The following CPD variants were observed in gnomAD, a reference collection of about 807,000 sequenced individuals.
The protein encoded by CPD is metallocarboxypeptidase D.
In CPD, 69 loss-of-function variants were observed where a neutral mutation model predicts 138.3. The observed-to-expected ratio is 0.50, with a 90% CI of 0.41 to 0.61. CPD has a LOEUF of 0.61. CPD is among the 20% of genes least tolerant of loss of function. The probability of loss-of-function intolerance (pLI) is 0.00; values close to 1 mark genes in which losing one functional copy is unlikely to be tolerated. For missense variants in CPD, 1,432 were observed against 1,733.3 expected, an observed-to-expected ratio of 0.83 and a Z score of 3.09; for synonymous variants, 651 against 642.1, an observed-to-expected ratio of 1.01 and a Z score of -0.21.
intron 2 of CPD, among the ~76,000 whole-genome samples, chr17:30,405,838 C>T (rs1296302923): frequency 2.6e-5 from 4 of 151,908 alleles, no homozygotes; most frequent in African/African-American, 9.6e-5. Context: ...TGTCCAGTTG[C>T]AACAAAAAAA....
At chr17:30,384,967 T>C in intron 1 of CPD, 22 bp from the exon 2 acceptor site, 1 of 1,604,700 alleles carries the variant, frequency 6.2e-7, no homozygotes, top group Non-Finnish European at 8.5e-7. Context: ...TAGTGATACG[T>C]GATTTGGTTG....
intron 8 of CPD, 110 bp from the exon 9 acceptor site, chr17:30,438,865 C>T: frequency 3.3e-6 from 2 of 608,654 alleles, no homozygotes; most frequent in Non-Finnish European, 5.6e-6. Context: ...ACCTCCACCC[C>T]TCACATACCC....
chr17:30,414,582 G>GA (rs79924787), intron 2 of CPD, among the ~76,000 whole-genome samples: 2,891 of 136,054 alleles, frequency 0.021, 54 homozygotes, highest in African/African-American at 0.049. Flanking sequence ...GACTGTCTCG[G>GA]AAAAAAAAAA....
chr17:30,401,265 C>CCTTCTTCCTT (rs1295360646), intron 2 of CPD, among the ~76,000 whole-genome samples: 17 of 150,918 alleles, frequency 1.1e-4, no homozygotes, highest in Non-Finnish European at 2.4e-4. Flanking sequence ...TTCTCCTTCT[C>CCTTCTTCCTT]CTCCTCCTTC....
At chr17:30,438,866 TCA>T in intron 8 of CPD, 107 bp from the exon 9 acceptor site, 1 of 608,296 alleles carries the variant, frequency 1.6e-6, no homozygotes, top group Non-Finnish European at 2.8e-6. Flanking sequence ...CCTCCACCCC[TCA>T]CATACCCTGT....
intron 2 of CPD, among the ~76,000 whole-genome samples, chr17:30,394,675 G>A (rs1237860683): frequency 1.3e-5 from 2 of 152,158 alleles, no homozygotes; most frequent in Non-Finnish European, 2.9e-5. Flanking sequence ...GCTTTACCTA[G>A]AGGGCATGTA....
Position 30,420,877 on chromosome 17 carries a change from G to C in CPD, c.1031G>C (p.Cys344Ser), listed in dbSNP as rs1275268086. The change falls in exon 3 of 21, where the codon TGT becomes TCT. Residue 344 changes from cysteine to serine, a missense_variant. By Grantham distance (112) the Cys-to-Ser change is moderately radical. This residue lies in a region of CPD where 160 missense variants were observed against 197.9 expected (regional missense o/e 0.81). Coordinates refer to ENST00000225719, the MANE Select transcript of CPD (RefSeq NM_001304.5). ...GATTACAATTATGTGTGGGCCAACT[G>C]TTTTGAGATCACATTAGAACTGTCT... ...MQDYNYVWAN[C>S]FEITLELSCC... 1 of 1,612,868 alleles carries C rather than the reference G, an allele frequency of 6.2e-7. No homozygotes were observed. The highest frequency in any genetic ancestry group is 8.5e-7 in the Non-Finnish European group (1 of 1,179,316).
At chr17:30,380,522 C>T (rs1178409247) in intron 1 of CPD, 1 of 1,427,442 alleles carries the variant, frequency 7.0e-7, no homozygotes, top group Non-Finnish European at 9.1e-7. Context: ...AATGGTCACA[C>T]TTCTAATACA....
chr17:30,389,410 T>C, intron 2 of CPD, among the ~76,000 whole-genome samples: 1 of 152,240 alleles, frequency 6.6e-6, no homozygotes, highest in Non-Finnish European at 1.5e-5. Context: ...GGACTTACTT[T>C]AATGTGTAAT....
intron 8 of CPD, among the ~76,000 whole-genome samples, chr17:30,436,183 C>T (rs1266624089): frequency 1.3e-5 from 2 of 152,036 alleles, no homozygotes; most frequent in African/African-American, 4.8e-5. Flanking sequence ...CTTGGTGACA[C>T]GTGCCTGTAG....
chr17:30,379,786 G>A lies in CPD; in HGVS notation c.746+60G>A. ...GCCTCCAAGGGCCGAGGCTGGTTCC[G>A]GCACCCAGTAGGCGCTCAGACAATG... On this transcript the variant is annotated intron_variant, in intron 1 of 20. Coordinates refer to ENST00000225719, the MANE Select transcript of CPD (RefSeq NM_001304.5). This position sits in a 1 kb window ranked among gnomAD's most constrained non-coding sequence, Gnocchi z 7.0. 2 of 1,235,844 alleles carry A rather than the reference G, an allele frequency of 1.6e-6. No homozygotes were observed. Among genetic ancestry groups the A allele is most frequent in the Non-Finnish European group, 2.1e-6 (2 of 945,310 alleles). 76.6% of individuals were successfully genotyped at this position (1,235,844 alleles called of 1,614,324 possible).
intron 2 of CPD, among the ~76,000 whole-genome samples, chr17:30,386,672 A>G (rs1395129225): frequency 6.6e-6 from 1 of 152,158 alleles, no homozygotes; most frequent in Non-Finnish European, 1.5e-5. Context: ...GAATTTGCCC[A>G]TTTTAGATAT....
chr17:30,430,973 T>C (rs892047068), intron 7 of CPD, among the ~76,000 whole-genome samples: 3 of 152,146 alleles, frequency 2.0e-5, no homozygotes, highest in Non-Finnish European at 4.4e-5. Flanking sequence ...TTCAGTTCTT[T>C]TGGGTGTACA....
chr17:30,397,113 A>AC, intron 2 of CPD, among the ~76,000 whole-genome samples: 1 of 151,768 alleles, frequency 6.6e-6, no homozygotes, highest in East Asian at 1.9e-4. Flanking sequence ...TAAGAGCATC[A>AC]CCCCCAATTT....
intron 17 of CPD, among the ~76,000 whole-genome samples, chr17:30,460,900 G>A (rs958535244): frequency 2.6e-5 from 4 of 152,150 alleles, no homozygotes; most frequent in South Asian, 4.1e-4. Context: ...CAGCAAACCC[G>A]AATAAACCCC....
intron 8 of CPD, among the ~76,000 whole-genome samples, chr17:30,436,939 C>A (rs1331376202): frequency 2.6e-5 from 4 of 152,080 alleles, no homozygotes; most frequent in Non-Finnish European, 5.9e-5. Context: ...GAATATTATT[C>A]AGCCATAAAA....
At position 30,443,926 on chromosome 17, in the gene CPD, G is replaced by A. The variant is rs749699085; in HGVS notation, c.2498G>A (p.Arg833His). 12 of 1,613,752 alleles carry A rather than the reference G, an allele frequency of 7.4e-6. No individual in the cohort carries two copies. Among genetic ancestry groups the A allele is most frequent in the African/African-American group, 1.3e-5 (1 of 74,892 alleles). ...VTTYKTGDYWRLLVPGTYKIT... is the reference protein window; with the variant it reads ...VTTYKTGDYWHLLVPGTYKIT... Reference sequence around the variant, plus strand: ...ACTTACAAAACTGGAGATTACTGGCGTCTCTTGGTTCCAGGAACTTATAAA... The same window carrying A: ...ACTTACAAAACTGGAGATTACTGGCATCTCTTGGTTCCAGGAACTTATAAA... The change falls in exon 11 of 21, where the codon CGT (arginine) becomes CAT (histidine). Residue 833 changes from arginine to histidine, a missense_variant. Physicochemically the swap from Arg to His is conservative, Grantham distance 29 (BLOSUM62 0). Coordinates refer to ENST00000225719, the MANE Select transcript of CPD (RefSeq NM_001304.5).
chr17:30,430,229 G>A lies in CPD; in HGVS notation c.2018-1543G>A, dbSNP rs531033721. ...GTTTTGCAACCACCCCCTCTATCTT[G>A]TTCCAAAACATTTTTATCTCCGCAA... On this transcript the variant is annotated intron_variant, in intron 7 of 20. Coordinates refer to ENST00000225719, the MANE Select transcript of CPD (RefSeq NM_001304.5). 1.7e-3 allele frequency among the ~76,000 whole-genome samples: 262 copies of A among 152,078 alleles called. 1 individual carries two copies. The highest frequency in any genetic ancestry group is 6.0e-3 in the African/African-American group (248 of 41,484).
chr17:30,419,988 C>G (rs967523920), intron 2 of CPD, among the ~76,000 whole-genome samples: 1 of 152,168 alleles, frequency 6.6e-6, no homozygotes, highest in Non-Finnish European at 1.5e-5. Flanking sequence ...TTTGTACTTT[C>G]CAAGAGCAAG....
Sources: allele counts gnomAD v4.1 joint callset (sites outside exome capture counted in the v4.1 genomes callset), GRCh38; gene constraint gnomAD v4.1.1; regional missense constraint gnomAD v4.1.1; non-coding constraint Gnocchi (gnomAD v3.1); transcripts MANE v1.5; gene names NCBI Gene and HGNC (gene_info 2026-07-23, HGNC 2026-07-21).